The following PPFIBP2 variants were observed in gnomAD, a reference collection of about 807,000 sequenced individuals.
PPFIBP2 encodes the protein PPFIB scaffold protein 2.
Under a neutral mutation model 118.3 loss-of-function variants are expected in PPFIBP2, and 118 were observed. That is an observed-to-expected ratio of 1.00 (90% CI 0.86 to 1.16). The LOEUF (loss-of-function observed/expected upper bound fraction) is 1.16, where lower values mean the gene tolerates loss of function less well. Ranked by LOEUF, PPFIBP2 falls within the 50% of genes most tolerant of loss-of-function variation. The pLI is 0.00. For missense variants in PPFIBP2, 1,195 were observed against 1,073.1 expected, an observed-to-expected ratio of 1.11 and a Z score of -1.59; for synonymous variants, 414 against 397.4, an observed-to-expected ratio of 1.04 and a Z score of -0.50.
chr11:7,561,860 T>C (rs930791691), intron 2 of PPFIBP2, among the ~76,000 whole-genome samples: 1 of 152,242 alleles, frequency 6.6e-6, no homozygotes, highest in African/African-American at 2.4e-5. Context: ...AGTTAAGATA[T>C]TAGCTGGGGC....
chr11:7,584,957 T>A (rs1857871895), intron 3 of PPFIBP2, among the ~76,000 whole-genome samples: 1 of 152,198 alleles, frequency 6.6e-6, no homozygotes, highest in South Asian at 2.1e-4. Context: ...CACTACACAT[T>A]TTCTTTTGTT....
At chr11:7,584,600 C>A (rs1024339131) in intron 3 of PPFIBP2, among the ~76,000 whole-genome samples, 1 of 152,130 alleles carries the variant, frequency 6.6e-6, no homozygotes, top group Admixed American at 6.5e-5. Context: ...CCTAAAACTC[C>A]TTAATAAAAA....
At position 7,625,795 on chromosome 11, in the gene PPFIBP2, CA is replaced by C. The variant is rs1253758046; in HGVS notation, c.732del (p.Glu245AsnfsTer5). On this transcript the variant is annotated frameshift_variant, in exon 8 of 24. Coordinates refer to ENST00000299492, the MANE Select transcript of PPFIBP2 (RefSeq NM_003621.5). LOFTEE classifies it high-confidence loss of function. ...KATKAEVAQL[Q>X]EQVALKDAEI... ...CTTCCAGGCTGAAGTCGCCCAGCTGCAAGAACAGGTGGCCCTGAAAGATGCA... is the reference window on the plus strand; with the variant it reads ...CTTCCAGGCTGAAGTCGCCCAGCTGCAGAACAGGTGGCCCTGAAAGATGCA... 6.2e-7 allele frequency: 1 copy of C among 1,614,084 alleles called. No homozygotes were observed. Among genetic ancestry groups the C allele is most frequent in the Non-Finnish European group, 8.5e-7 (1 of 1,180,018 alleles).
rs558385418 is a variant in PPFIBP2 at position 7,653,550 on chromosome 11, A to G, written c.*332A>G. On this transcript the variant is annotated 3_prime_UTR_variant, in exon 24 of 24. Transcript: ENST00000299492. The stretch of plus-strand genomic sequence containing the variant: ...CGATGCAGGTCCAGAGACCATGGAC[A>G]CTCCCACGAGGCTCAGCTCTCAGGC... 4.5e-4 allele frequency: 589 copies of G among 1,319,536 alleles called. 1 individual carries two copies. The highest frequency in any genetic ancestry group is 5.4e-4 in the Non-Finnish European group (550 of 1,009,470). 81.7% of individuals were successfully genotyped at this position (1,319,536 alleles called of 1,614,324 possible). A position where few individuals can be genotyped will look rare whatever the true frequency, so the allele number is the denominator to read the frequency against.
intron 5 of PPFIBP2, among the ~76,000 whole-genome samples, chr11:7,598,837 A>G (rs573764391): frequency 7.4e-6 from 1 of 135,362 alleles, no homozygotes; most frequent in Non-Finnish European, 1.5e-5. Context: ...GTCTCATGAC[A>G]AATGTCATGA....
intron 2 of PPFIBP2, among the ~76,000 whole-genome samples, chr11:7,560,822 T>C (rs1478318490): frequency 2.6e-5 from 4 of 152,252 alleles, no homozygotes. Flanking sequence ...TGCATTTGCA[T>C]TTTCAACAAT....
intron 17 of PPFIBP2, among the ~76,000 whole-genome samples, chr11:7,644,967 C>A (rs1005700197): frequency 7.8e-6 from 1 of 127,866 alleles, no homozygotes; most frequent in African/African-American, 3.1e-5. Flanking sequence ...GCGGAGCTTG[C>A]AGTGAGCCGA....
intron 8 of PPFIBP2, among the ~76,000 whole-genome samples, chr11:7,626,420 C>T (rs544188523): frequency 3.9e-5 from 6 of 152,314 alleles, no homozygotes; most frequent in Non-Finnish European, 8.8e-5. Flanking sequence ...TAGGTGCTCC[C>T]AGTCCTATTA....
chr11:7,666,569 T>C, the PPFIBP2 span: 4 of 1,584,410 alleles, frequency 2.5e-6, no homozygotes, highest in Non-Finnish European at 3.5e-6. Flanking sequence ...GAAGCAACAC[T>C]GAAAAAGCCC....
rs77358498 is a variant in PPFIBP2, at chr11:7,616,093, C to T, written c.619-4842C>T. 6.2e-3 allele frequency among the ~76,000 whole-genome samples: 942 copies of T among 152,144 alleles called. 3 individuals carry two copies. Among genetic ancestry groups the T allele is most frequent in the Middle Eastern group, 0.017 (5 of 294 alleles). On this transcript the variant is annotated intron_variant, in intron 6 of 23. Coordinates refer to ENST00000299492, the MANE Select transcript of PPFIBP2 (RefSeq NM_003621.5). This position sits in a 1 kb window ranked among gnomAD's most constrained non-coding sequence, Gnocchi z 5.2. ...TGACCAGTGTCAGGAAGGGGACATC[C>T]GAAACTAAAGGACAATGCTGAGGAC...
chr11:7,649,579 C>T lies in PPFIBP2; in HGVS notation c.2046C>T (p.Ser682=). 1 of 1,614,194 alleles carries T rather than the reference C, an allele frequency of 6.2e-7. No individual in the cohort carries two copies. Among genetic ancestry groups the T allele is most frequent in the Non-Finnish European group, 8.5e-7 (1 of 1,180,040 alleles). ...TCACCAGCCAACTACATCATCTCAGCATCAAATGTGCCATTCACGTGCTGC... is the reference window on the plus strand; with the variant it reads ...TCACCAGCCAACTACATCATCTCAGTATCAAATGTGCCATTCACGTGCTGC... The part of the protein sequence containing the change: ...LKVTSQLHHL[S]IKCAIHVLHV... Residue 682 remains serine, a synonymous_variant, in exon 21 of 24, where the codon AGC becomes AGT. Transcript: ENST00000299492.
intron 1 of PPFIBP2, among the ~76,000 whole-genome samples, chr11:7,518,765 A>G (rs964888340): frequency 1.3e-5 from 2 of 152,330 alleles, no homozygotes; most frequent in African/African-American, 4.8e-5. Flanking sequence ...AGAAGGGAAC[A>G]TGAACTCTTA....
At chr11:7,627,342 T>C (rs1431994536) in intron 8 of PPFIBP2, among the ~76,000 whole-genome samples, 1 of 152,210 alleles carries the variant, frequency 6.6e-6, no homozygotes, top group African/African-American at 2.4e-5. Flanking sequence ...ATTCTGAAAA[T>C]GAATCTCCAC....
At chr11:7,657,168 A>G (rs1421892153), downstream of PPFIBP2, 2 of 207,930 alleles carry the variant, frequency 9.6e-6, no homozygotes, top group Non-Finnish European at 2.0e-5. Context: ...GTTAGTTCAT[A>G]AAACCTGCTG....
intron 2 of PPFIBP2, among the ~76,000 whole-genome samples, chr11:7,558,537 C>T (rs950164645): frequency 2.0e-5 from 3 of 152,102 alleles, no homozygotes; most frequent in Non-Finnish European, 2.9e-5. Context: ...AGGCAGATCA[C>T]GAGGTCAGGA....
chr11:7,666,026 T>G, the PPFIBP2 span: 1 of 961,000 alleles, frequency 1.0e-6, no homozygotes, highest in Middle Eastern at 2.3e-4. Flanking sequence ...GGATGCTGTC[T>G]GGGCTGCAGC....
chr11:7,603,942 G>T (rs1205579160), intron 5 of PPFIBP2, among the ~76,000 whole-genome samples: 1 of 152,106 alleles, frequency 6.6e-6, no homozygotes, highest in Non-Finnish European at 1.5e-5. Context: ...TGAAGCCTTT[G>T]CCCCTTATCC....
At chr11:7,559,047 G>A (rs1033135887) in intron 2 of PPFIBP2, among the ~76,000 whole-genome samples, 1 of 152,116 alleles carries the variant, frequency 6.6e-6, no homozygotes, top group African/African-American at 2.4e-5. Context: ...GAGGGCCCAG[G>A]CATCTGGAGT....
chr11:7,613,112 G>T (rs1157799273), intron 6 of PPFIBP2, among the ~76,000 whole-genome samples: 1 of 152,080 alleles, frequency 6.6e-6, no homozygotes, highest in Non-Finnish European at 1.5e-5. Context: ...CCCCTCAGGT[G>T]TGAGATAGCC....
Sources: allele counts gnomAD v4.1 joint callset (sites outside exome capture counted in the v4.1 genomes callset), GRCh38; gene constraint gnomAD v4.1.1; non-coding constraint Gnocchi (gnomAD v3.1); transcripts MANE v1.5; gene names NCBI Gene and HGNC (gene_info 2026-07-23, HGNC 2026-07-21).